MSMB: variants seen among roughly 807,000 people sequenced by gnomAD.
The protein encoded by MSMB is microseminoprotein beta, also known as beta-microseminoprotein.
MSMB carries 10 observed loss-of-function variants against 10.5 expected under a neutral mutation model. The observed-to-expected ratio is 0.95, with a 90% CI of 0.59 to 1.62. The LOEUF (loss-of-function observed/expected upper bound fraction) is 1.62. Among genes scored for constraint, MSMB ranks in the 40% most tolerant of loss-of-function variants. The pLI, the probability that MSMB is intolerant of heterozygous loss-of-function variation, is 0.00. For missense variants in MSMB, 126 were observed against 137.4 expected (o/e 0.92, Z 0.42); for synonymous variants, 43 against 46.5 (o/e 0.93, Z 0.30).
At chr10:46,035,963 A>C (rs148058617) in intron 3 of MSMB, among the ~76,000 whole-genome samples, 4 of 152,356 alleles carry the variant, frequency 2.6e-5, no homozygotes, top group East Asian at 3.9e-4. Context: ...ATATTACTGC[A>C]TGCTTATTTC....
intron 2 of MSMB, among the ~76,000 whole-genome samples, chr10:46,039,473 G>A (rs943999209): frequency 1.3e-5 from 2 of 152,072 alleles, no homozygotes; most frequent in African/African-American, 4.8e-5. Context: ...TCAACCCTGG[G>A]TGCACATGTG....
At chr10:46,039,123 G>A (rs920138551) in intron 2 of MSMB, 52 bp from the exon 3 acceptor site, 10 of 1,513,462 alleles carry the variant, frequency 6.6e-6, no homozygotes, top group Non-Finnish European at 9.1e-6. Context: ...TGAGAACAAG[G>A]CCTATCAGGA....
chr10:46,043,233 A>C (rs1385908508), intron 1 of MSMB, among the ~76,000 whole-genome samples: 1 of 152,186 alleles, frequency 6.6e-6, no homozygotes, highest in Non-Finnish European at 1.5e-5. Context: ...GCTGCATCCC[A>C]GGACAAGTGA....
At chr10:46,035,240 A>G (rs1302169296) in intron 3 of MSMB, among the ~76,000 whole-genome samples, 1 of 152,186 alleles carries the variant, frequency 6.6e-6, no homozygotes, top group Non-Finnish European at 1.5e-5. Context: ...AATAAGTTAA[A>G]CAAAAAATTA....
At chr10:46,040,941 G>A (rs1269759682) in intron 1 of MSMB, among the ~76,000 whole-genome samples, 7 of 150,392 alleles carry the variant, frequency 4.7e-5, no homozygotes, top group African/African-American at 1.2e-4. Context: ...GTGACAGAGC[G>A]AGACTCCGTC....
At position 46,038,999 on chromosome 10, in the gene MSMB, G is replaced by C. The variant is rs1344360632; in HGVS notation, c.182C>G (p.Thr61Ser). ...EWQTDNCETC[T>S]CYETEISCCT... The stretch of plus-strand genomic sequence containing the variant: ...ACATGAAATTTCTGTTTCGTAGCAA[G>C]TGCATGTCTCACAGTTGTCAGTCTG... Residue 61 changes from threonine to serine, a missense_variant, in exon 3 of 4, where the codon ACT (threonine) becomes AGT (serine). Transcript: ENST00000582163. 6.2e-7 allele frequency: 1 copy of C among 1,613,996 alleles called. No homozygotes were observed. Among genetic ancestry groups the C allele is most frequent in the East Asian group, 2.2e-5 (1 of 44,890 alleles).
Position 46,046,234 on chromosome 10 carries a change from C to T in MSMB, c.3+1G>A, listed in dbSNP as rs782347577. 7 of 1,611,832 alleles carry T rather than the reference C, an allele frequency of 4.3e-6. No individual in the cohort carries two copies. The highest frequency in any genetic ancestry group is 3.3e-5 in the Admixed American group (2 of 59,982). On this transcript the variant is annotated splice_donor_variant, in intron 1 of 3. Coordinates refer to ENST00000582163, the MANE Select transcript of MSMB (RefSeq NM_002443.4). LOFTEE classifies it high-confidence loss of function. ...CTTTATATATAAAACCAGTTACCTA[C>T]CATTGTGATAAGCAGGACTCCTTAT...
chr10:46,037,075 G>C (rs1301162966), intron 3 of MSMB, among the ~76,000 whole-genome samples: 1 of 152,206 alleles, frequency 6.6e-6, no homozygotes, highest in Admixed American at 6.5e-5. Context: ...TAGGCACCTA[G>C]CATGAGGCCT....
intron 1 of MSMB, among the ~76,000 whole-genome samples, chr10:46,044,254 G>C (rs1367247691): frequency 6.6e-6 from 1 of 152,076 alleles, no homozygotes; most frequent in Admixed American, 6.5e-5. Flanking sequence ...CGAGCCTTGA[G>C]GTGAAGCAGG....
chr10:46,033,350 A>T lies in MSMB; in HGVS notation c.*72T>A. 6.4e-7 allele frequency: 1 copy of T among 1,560,918 alleles called. No homozygotes were observed. Among genetic ancestry groups the T allele is most frequent in the Non-Finnish European group, 8.7e-7 (1 of 1,152,504 alleles). ...TCTTTTTACTGATAGGCATGGCTAC[A>T]CAATCATTGACTATTAGAGGCCAGA... On this transcript the variant is annotated 3_prime_UTR_variant, in exon 4 of 4. Transcript: ENST00000582163.
chr10:46,046,091 T>C (rs1590200429), intron 1 of MSMB, 144 bp downstream of exon 1: 3 of 842,522 alleles, frequency 3.6e-6, no homozygotes, highest in Non-Finnish European at 5.9e-6. Flanking sequence ...ACTCTGCACA[T>C]TGAATTGCAG....
chr10:46,034,145 C>T (rs1295919793), intron 3 of MSMB, among the ~76,000 whole-genome samples: 11 of 152,162 alleles, frequency 7.2e-5, no homozygotes, highest in Admixed American at 5.2e-4. Flanking sequence ...ATGAATTTCA[C>T]TCTGTCACCC....
At chr10:46,038,433 A>G (rs1244773982) in intron 3 of MSMB, among the ~76,000 whole-genome samples, 2 of 151,656 alleles carry the variant, frequency 1.3e-5, no homozygotes, top group South Asian at 2.1e-4. Flanking sequence ...GACTACAGGC[A>G]CCCGCCACCA....
intron 1 of MSMB, among the ~76,000 whole-genome samples, chr10:46,043,954 C>A (rs189509806): frequency 6.6e-6 from 1 of 151,984 alleles, no homozygotes; most frequent in African/African-American, 2.4e-5. Context: ...GGATTATGGG[C>A]GTGAGCCACC....
chr10:46,033,479 G>T lies in MSMB; in HGVS notation c.288C>A (p.Ile96=). Residue 96 remains isoleucine (I), a synonymous_variant, in exon 4 of 4, where the codon ATC becomes ATA. Coordinates refer to ENST00000582163, the MANE Select transcript of MSMB (RefSeq NM_002443.4). ...RIFKKEDCKY[I]VVEKKDPKKT... ...TTTTTGGGTCCTTCTTCTCCACCAC[G>T]ATATACTTGCAGTCCTCCTTCTTGA... 1.2e-6 allele frequency: 2 copies of T among 1,613,954 alleles called. No homozygotes were observed. Among genetic ancestry groups the T allele is most frequent in the South Asian group, 1.1e-5 (1 of 91,084 alleles).
At chr10:46,034,878 T>C (rs1307120544) in intron 3 of MSMB, among the ~76,000 whole-genome samples, 1 of 151,152 alleles carries the variant, frequency 6.6e-6, no homozygotes, top group Non-Finnish European at 1.5e-5. Flanking sequence ...TGGTGGCACA[T>C]GCCTGTAATC....
chr10:46,037,539 T>A (rs1247155564), intron 3 of MSMB, among the ~76,000 whole-genome samples: 2 of 152,192 alleles, frequency 1.3e-5, no homozygotes, highest in Non-Finnish European at 1.5e-5. Context: ...ACTTCTGGTG[T>A]CCATAGCAAC....
chr10:46,038,316 C>T (rs1056696181), intron 3 of MSMB, among the ~76,000 whole-genome samples: 2 of 151,060 alleles, frequency 1.3e-5, no homozygotes, highest in Non-Finnish European at 1.5e-5. Flanking sequence ...TAGACACAGT[C>T]TCGCTCTGTC....
At chr10:46,033,836 G>T (rs1234155535) in intron 3 of MSMB, among the ~76,000 whole-genome samples, 1 of 152,176 alleles carries the variant, frequency 6.6e-6, no homozygotes, top group Admixed American at 6.5e-5. Context: ...TTCCATGCTG[G>T]CTCCTCCCAC....
Sources: allele counts gnomAD v4.1 joint callset (sites outside exome capture counted in the v4.1 genomes callset), GRCh38; gene constraint gnomAD v4.1.1; transcripts MANE v1.5; gene names NCBI Gene and HGNC (gene_info 2026-07-23, HGNC 2026-07-21).